Variants in RTN4 observed in about 807,000 individuals in gnomAD.
RTN4 encodes the protein reticulon-4.
In RTN4, 32 loss-of-function variants were observed where a neutral mutation model predicts 90.4. The ratio of observed to expected loss-of-function variants is 0.35; its 90% confidence interval spans 0.27 to 0.48. The LOEUF (loss-of-function observed/expected upper bound fraction) is 0.48. Among genes scored for constraint, RTN4 ranks in the 20% least tolerant of loss-of-function variants. The pLI, the probability that RTN4 is intolerant of heterozygous loss-of-function variation, is 0.99. For missense variants in RTN4, 1,706 were observed against 1,430.2 expected (o/e 1.19, Z -3.11); for synonymous variants, 629 against 552.5 (o/e 1.14, Z -1.94).
intron 2 of RTN4, among the ~76,000 whole-genome samples, chr2:55,075,327 T>C (rs1445346092): frequency 6.6e-6 from 1 of 152,148 alleles, no homozygotes; most frequent in Non-Finnish European, 1.5e-5. Context: ...CCTTTTACAA[T>C]TGTTGCCAAA....
chr2:55,103,610 C>G (rs1170054320), intron 1 of RTN4, among the ~76,000 whole-genome samples: 11 of 151,996 alleles, frequency 7.2e-5, no homozygotes, highest in Admixed American at 7.2e-4. Flanking sequence ...TCCTTAAACC[C>G]ACAGAGCTGT....
At chr2:54,974,564 AGCTACCGC>A (rs1245519353) in intron 6 of RTN4, 123 bp downstream of exon 6, 13 of 751,900 alleles carry the variant, frequency 1.7e-5, no homozygotes, top group Non-Finnish European at 2.7e-5. Context: ...TACAGGCATG[AGCTACCGC>A]GCCCGGCCCA....
intron 1 of RTN4, among the ~76,000 whole-genome samples, chr2:55,037,709 G>GA (rs556469325): frequency 5.9e-4 from 90 of 152,244 alleles, no homozygotes; most frequent in African/African-American, 2.0e-3. Context: ...CAAATCCTAA[G>GA]ACGTCACTTA....
At chr2:55,125,452 A>C in the RTN4 span, among the ~76,000 whole-genome samples, 1 of 152,338 alleles carries the variant, frequency 6.6e-6, no homozygotes, top group Admixed American at 6.5e-5. Flanking sequence ...GGGCGAAGGA[A>C]ATGAACAGAT....
chr2:55,073,165 G>A (rs796259916), intron 2 of RTN4, among the ~76,000 whole-genome samples: 17 of 152,318 alleles, frequency 1.1e-4, no homozygotes, highest in African/African-American at 4.1e-4. Flanking sequence ...AACTAGCCAT[G>A]TGTCTCACAG....
At position 55,050,313 on chromosome 2, in the gene RTN4, G is replaced by T. The variant is rs375436061; in HGVS notation, c.-13C>A. On this transcript the variant is annotated 5_prime_UTR_variant, in exon 1 of 9. Coordinates refer to ENST00000337526, the MANE Select transcript of RTN4 (RefSeq NM_020532.5). This position sits in a 1 kb window ranked among gnomAD's most constrained non-coding sequence, Gnocchi z 4.6. ...CCAGGTCTTCCATGGCTGGAGGGTGGAGATGATGCTGCAGCTGCTGCCGCC... is the reference window on the plus strand; with the variant it reads ...CCAGGTCTTCCATGGCTGGAGGGTGTAGATGATGCTGCAGCTGCTGCCGCC... 40 of 1,401,738 alleles carry T rather than the reference G, an allele frequency of 2.9e-5. No homozygotes were observed. The East Asian group carries it at 3.0e-4, about 11-fold the overall frequency. 86.8% of individuals were successfully genotyped at this position (1,401,738 alleles called of 1,614,324 possible). A position where few individuals can be genotyped will look rare whatever the true frequency, so the allele number is the denominator to read the frequency against.
At chr2:55,013,156 T>C (rs1680767254) in intron 3 of RTN4, among the ~76,000 whole-genome samples, 1 of 152,160 alleles carries the variant, frequency 6.6e-6, no homozygotes, top group Non-Finnish European at 1.5e-5. Context: ...ATAAAAGTGT[T>C]GTATGAATTC....
the RTN4 span, among the ~76,000 whole-genome samples, chr2:55,129,306 A>T: frequency 6.6e-6 from 1 of 150,464 alleles, no homozygotes; most frequent in Non-Finnish European, 1.5e-5. Flanking sequence ...TGGGCCAGTG[A>T]CTCACACCTG....
rs200793021 is a variant in RTN4 at position 55,025,301 on chromosome 2, C to T, written c.2798G>A (p.Ser933Asn). Residue 933 changes from serine (S) to asparagine (N), a missense_variant, in exon 3 of 9, where the codon AGT becomes AAT. Transcript: ENST00000337526. ...ATTTTTAGAAAAGTCATCTGAGAAACTGATTTTCTCTTCAACTTTGGGTTG... is the reference window on the plus strand; with the variant it reads ...ATTTTTAGAAAAGTCATCTGAGAAATTGATTTTCTCTTCAACTTTGGGTTG... ...NIQPKVEEKISFSDDFSKNGS... is the reference protein window; with the variant it reads ...NIQPKVEEKINFSDDFSKNGS... The T allele has an allele frequency of 3.7e-6, 6 of 1,613,812 alleles. No individual in the cohort carries two copies. In the Admixed American group the frequency reaches 6.7e-5, roughly 18 times the overall value.
chr2:55,126,217 A>G, the RTN4 span, among the ~76,000 whole-genome samples: 1 of 152,072 alleles, frequency 6.6e-6, no homozygotes, highest in Non-Finnish European at 1.5e-5. Flanking sequence ...TGAAAATACA[A>G]AATTAGTTGG....
At chr2:55,124,362 C>A in the RTN4 span, among the ~76,000 whole-genome samples, 1 of 152,178 alleles carries the variant, frequency 6.6e-6, no homozygotes, top group Non-Finnish European at 1.5e-5. Context: ...GGCAAAGTCT[C>A]TGATAGATAA....
chr2:55,001,273 A>C (rs1679834050), intron 3 of RTN4, among the ~76,000 whole-genome samples: 1 of 152,166 alleles, frequency 6.6e-6, no homozygotes. Context: ...TACAATTAAA[A>C]TCGTTGTAAA....
chr2:55,118,190 G>T, the RTN4 span, among the ~76,000 whole-genome samples: 1 of 152,134 alleles, frequency 6.6e-6, no homozygotes, highest in Non-Finnish European at 1.5e-5. Context: ...CCAGGGCTGG[G>T]CATGGTAGCT....
intron 3 of RTN4, among the ~76,000 whole-genome samples, chr2:55,004,918 C>T (rs1680099771): frequency 6.6e-6 from 1 of 151,976 alleles, no homozygotes; most frequent in African/African-American, 2.4e-5. Context: ...AACTACCTCC[C>T]CAGGGAGGCT....
intron 3 of RTN4, among the ~76,000 whole-genome samples, chr2:54,993,438 T>C (rs563913491): frequency 6.6e-6 from 1 of 152,316 alleles, no homozygotes; most frequent in Non-Finnish European, 1.5e-5. Context: ...TTGATGATTC[T>C]GGTGTTCTGC....
chr2:55,029,710 T>C (rs1393251724), intron 1 of RTN4, among the ~76,000 whole-genome samples: 1 of 152,152 alleles, frequency 6.6e-6, no homozygotes, highest in Non-Finnish European at 1.5e-5. Flanking sequence ...ACTTAAAGGA[T>C]TCCTAGATGA....
intron 8 of RTN4, 147 bp downstream of exon 8, chr2:54,973,416 T>A: frequency 1.3e-6 from 1 of 782,898 alleles, no homozygotes; most frequent in Non-Finnish European, 2.1e-6. Context: ...GTCCAAATGT[T>A]AGAAAAACAA....
chr2:55,082,469 GC>G, intron 1 of RTN4, among the ~76,000 whole-genome samples: 1 of 152,248 alleles, frequency 6.6e-6, no homozygotes, highest in African/African-American at 2.4e-5. Flanking sequence ...AGCAAGCCCA[GC>G]CTTGGCGACT....
At chr2:55,135,467 A>G in the RTN4 span, among the ~76,000 whole-genome samples, 1 of 152,176 alleles carries the variant, frequency 6.6e-6, no homozygotes, top group South Asian at 2.1e-4. Context: ...TCAGCCTCCC[A>G]AAGTGCTGGG....
Sources: allele counts gnomAD v4.1 joint callset (sites outside exome capture counted in the v4.1 genomes callset), GRCh38; gene constraint gnomAD v4.1.1; non-coding constraint Gnocchi (gnomAD v3.1); transcripts MANE v1.5; gene names NCBI Gene and HGNC (gene_info 2026-07-23, HGNC 2026-07-21).